SUN2: variants seen among roughly 807,000 people sequenced by gnomAD.
The protein encoded by SUN2 is Sad1 and UNC84 domain containing 2, also known as SUN domain-containing protein 2.
SUN2 carries 60 observed loss-of-function variants against 100.0 expected under a neutral mutation model. That is an observed-to-expected ratio of 0.60 (90% CI 0.49 to 0.74). The LOEUF (loss-of-function observed/expected upper bound fraction) is 0.74. SUN2 is among the 30% of genes least tolerant of loss of function. The probability of loss-of-function intolerance (pLI) is 0.00; values close to 1 mark genes in which losing one functional copy is unlikely to be tolerated. For missense variants in SUN2, 834 were observed against 954.6 expected, an observed-to-expected ratio of 0.87 and a Z score of 1.66; for synonymous variants, 367 against 403.3, an observed-to-expected ratio of 0.91 and a Z score of 1.08.
In SUN2 at chr22:38,739,569, C is replaced by A; in HGVS notation, c.1579-143G>T. ...TGCCCAGGCAGATGTGGGCACACTG[C>A]CACCCACCCATGCCAGCCCCACAGC... is the stretch of plus-strand genomic sequence containing the variant. On this transcript the variant is annotated intron_variant, in intron 13 of 17. Transcript: ENST00000689035. The surrounding 1 kb of genome is among the most constrained non-coding windows in gnomAD (Gnocchi z 6.7). 7.7e-7 allele frequency: 1 copy of A among 1,291,228 alleles called. No homozygotes were observed. The allele number at this position is 1,291,228 out of a possible 1,614,324, so 80.0% of individuals were successfully genotyped here.
rs948468749 is a variant in SUN2 at position 38,740,778 on chromosome 22, C to T, written c.1190+229G>A. The T allele has an allele frequency of 3.3e-6, 2 of 600,980 alleles. No homozygotes were observed. Among genetic ancestry groups the T allele is most frequent in the Non-Finnish European group, 5.9e-6 (2 of 337,996 alleles). 37.2% of individuals were successfully genotyped at this position (600,980 alleles called of 1,614,324 possible). Reference sequence around the variant, plus strand: ...CTGTGTCTATAAATGAATCCCGGTCCTCTCACACAGCCTGCCCCCCGCCCT... The same window carrying T: ...CTGTGTCTATAAATGAATCCCGGTCTTCTCACACAGCCTGCCCCCCGCCCT... On this transcript the variant is annotated intron_variant, in intron 11 of 17. Transcript: ENST00000689035. This position sits in a 1 kb window ranked among gnomAD's most constrained non-coding sequence, Gnocchi z 4.8.
In SUN2 at chr22:38,742,529, T is replaced by C. The variant is rs960717255; in HGVS notation, c.840A>G (p.Val280=). 1.2e-6 allele frequency: 2 copies of C among 1,612,680 alleles called. No homozygotes were observed. The highest frequency in any genetic ancestry group is 2.7e-5 in the African/African-American group (2 of 74,912). The change falls in exon 9 of 18, where the codon GTA becomes GTG. Residue 280 remains valine, a synonymous_variant. Transcript: ENST00000689035. ...FQAEQRVMSR[V]HSLERRLEAL... ...CTTCCAGACGCCGCTCCAGAGAGTG[T>C]ACCCGGGACATAACACGCTGCTCAG...
intron 4 of SUN2, among the ~76,000 whole-genome samples, chr22:38,750,682 T>TG (rs1295920230): frequency 1.4e-4 from 22 of 152,102 alleles, no homozygotes; most frequent in African/African-American, 4.8e-4. Flanking sequence ...CATAGACTCG[T>TG]GGGGTGGGGA....
chr22:38,740,363 G>T lies in SUN2; in HGVS notation c.1260C>A (p.Gly420=), dbSNP rs910797609. 7 of 1,579,664 alleles carry T rather than the reference G, an allele frequency of 4.4e-6. No homozygotes were observed. Among genetic ancestry groups the T allele is most frequent in the Non-Finnish European group, 6.0e-6 (7 of 1,162,800 alleles). The change falls in exon 12 of 18, where the codon GGC becomes GGA. Residue 420 remains glycine, a synonymous_variant. Transcript: ENST00000689035. This position sits in a 1 kb window ranked among gnomAD's most constrained non-coding sequence, Gnocchi z 4.8. The stretch of plus-strand genomic sequence containing the variant: ...CCAGAGCCGCCAGCTCCTGCTGCAG[G>T]CCGGCCAGCTGGTCCTCCAGCCGCC... ...ELRRLEDQLA[G]LQQELAALAL...
In SUN2 at chr22:38,755,713, C is replaced by T. The variant is rs1451772916; in HGVS notation, c.-38+50G>A. ...GAGTGGCCCGACGGTGACCCGGGGT[C>T]AGGCCGGGCCGCGGCCCCCCAACCC... On this transcript the variant is annotated intron_variant, in intron 1 of 17. Transcript: ENST00000689035. This position sits in a 1 kb window ranked among gnomAD's most constrained non-coding sequence, Gnocchi z 5.7. The T allele has an allele frequency of 3.0e-6, 3 of 984,624 alleles. No individual in the cohort carries two copies. Among genetic ancestry groups the T allele is most frequent in the Non-Finnish European group, 3.6e-6 (3 of 829,590 alleles). The allele number at this position is 984,624 out of a possible 1,614,324, so 61.0% of individuals were successfully genotyped here.
Position 38,740,697 on chromosome 22 carries a change from A to G in SUN2, c.1191-265T>C. 1 of 576,076 alleles carries G rather than the reference A, an allele frequency of 1.7e-6. No individual in the cohort carries two copies. The highest frequency in any genetic ancestry group is 3.1e-6 in the Non-Finnish European group (1 of 323,888). The allele number at this position is 576,076 out of a possible 1,614,324, so 35.7% of individuals were successfully genotyped here. ...TGCCTCAGCCTCTCACATCCTCCAC[A>G]AGCATGGACATCTGGGGCATGAGAA... is the stretch of plus-strand genomic sequence containing the variant. On this transcript the variant is annotated intron_variant, in intron 11 of 17. Coordinates refer to ENST00000689035, the MANE Select transcript of SUN2 (RefSeq NM_015374.3). The surrounding 1 kb of genome is among the most constrained non-coding windows in gnomAD (Gnocchi z 4.8).
At position 38,749,716 on chromosome 22, in the gene SUN2, C is replaced by T. The variant is rs190330060; in HGVS notation, c.614+50G>A. 3.3e-3 allele frequency: 5,187 copies of T among 1,556,732 alleles called. 146 individuals carry two copies. The Admixed American group carries it at 0.057, about 17-fold the overall frequency. On this transcript the variant is annotated intron_variant, in intron 6 of 17. Coordinates refer to ENST00000689035, the MANE Select transcript of SUN2 (RefSeq NM_015374.3). ...ACAGGTTGACACACTTTACCCGTCC[C>T]TTCACCCCAGGGCCTTGCGATTTAT... is the stretch of plus-strand genomic sequence containing the variant.
Position 38,752,610 on chromosome 22 carries a change from G to C in SUN2, c.19C>G (p.Arg7Gly). 3.1e-6 allele frequency: 5 copies of C among 1,613,860 alleles called. No homozygotes were observed. Among genetic ancestry groups the C allele is most frequent in the Non-Finnish European group, 3.4e-6 (4 of 1,179,966 alleles). Residue 7 changes from arginine to glycine, a missense_variant, in exon 2 of 18, where the codon CGC becomes GGC. Arg to Gly is a moderately radical substitution (Grantham distance 125, BLOSUM62 -2). Coordinates refer to ENST00000689035, the MANE Select transcript of SUN2 (RefSeq NM_015374.3). MSRRSQ[R>G]LTRYSQGDDD... ...TCACCCTGGGAGTAGCGCGTGAGGC[G>C]CTGGCTTCTTCGGGACATGATGAGG...
In SUN2 at chr22:38,755,662, G is replaced by A. The variant is rs2092979855; in HGVS notation, c.-38+101C>T. On this transcript the variant is annotated intron_variant, in intron 1 of 17. Coordinates refer to ENST00000689035, the MANE Select transcript of SUN2 (RefSeq NM_015374.3). The surrounding 1 kb of genome is among the most constrained non-coding windows in gnomAD (Gnocchi z 5.7). ...CCCAGCACGTCCCGGAGAGGAGGAAGCAGGCCTGGCGGCGCGGCCCCGCCC... is the reference window on the plus strand; with the variant it reads ...CCCAGCACGTCCCGGAGAGGAGGAAACAGGCCTGGCGGCGCGGCCCCGCCC... The A allele has an allele frequency of 1.0e-6, 1 of 973,720 alleles. No individual in the cohort carries two copies. Among genetic ancestry groups the A allele is most frequent in the Non-Finnish European group, 1.2e-6 (1 of 819,192 alleles). 60.3% of individuals were successfully genotyped at this position (973,720 alleles called of 1,614,324 possible).
rs1174693411 is a variant in SUN2 at position 38,735,125 on chromosome 22, G to A, written c.*1142C>T. On this transcript the variant is annotated 3_prime_UTR_variant, in exon 18 of 18. Coordinates refer to ENST00000689035, the MANE Select transcript of SUN2 (RefSeq NM_015374.3). ...CCTTGAAAAATATATACATAATACA[G>A]TGGGGCCTGCTGGCTCTAAAAGTCC... The A allele has an allele frequency of 4.9e-6, 2 of 405,526 alleles. No individual in the cohort carries two copies. Among genetic ancestry groups the A allele is most frequent in the African/African-American group, 4.2e-5 (2 of 47,488 alleles). 25.1% of individuals were successfully genotyped at this position (405,526 alleles called of 1,614,324 possible). A position where few individuals can be genotyped will look rare whatever the true frequency, so the allele number is the denominator to read the frequency against.
At position 38,750,240 on chromosome 22, in the gene SUN2, C is replaced by A. The variant is rs757695145; in HGVS notation, c.505G>T (p.Val169Leu). 1.2e-6 allele frequency: 2 copies of A among 1,611,806 alleles called. No individual in the cohort carries two copies. The highest frequency in any genetic ancestry group is 1.7e-6 in the Non-Finnish European group (2 of 1,178,212). The change falls in exon 5 of 18, where the codon GTG becomes TTG. Residue 169 changes from valine (V) to leucine (L), a missense_variant. By Grantham distance (32) the Val-to-Leu change is conservative. Transcript: ENST00000689035. ...TGCAGCCCACCTGGCGAAGTGGCCA[C>A]CATCCAGAGTAAGGAGCCCGCCCGT... ...VSRAGSLLWM[V>L]ATSPGRLFRL...
chr22:38,754,494 G>A (rs921186649), intron 1 of SUN2: 2 of 590,518 alleles, frequency 3.4e-6, no homozygotes, highest in African/African-American at 3.9e-5. Context: ...ACGCCCATCT[G>A]GCATCCCCTC....
chr22:38,747,727 G>A (rs987532364), intron 7 of SUN2, among the ~76,000 whole-genome samples: 2 of 152,280 alleles, frequency 1.3e-5, no homozygotes, highest in Non-Finnish European at 2.9e-5. Context: ...TGGATCACTT[G>A]AGGTCAGGAG....
In SUN2 at chr22:38,734,827, C is replaced by G. The variant is rs78370268; in HGVS notation, c.*1440G>C. On this transcript the variant is annotated 3_prime_UTR_variant, in exon 18 of 18. Coordinates refer to ENST00000689035, the MANE Select transcript of SUN2 (RefSeq NM_015374.3). ...TAGTGCAGCATTTGTGACAGGAGAG[C>G]GCAAAACAAACCCTGGCTGCCTCGG... 1 of 184,648 alleles carries G rather than the reference C, an allele frequency of 5.4e-6. No homozygotes were observed. The highest frequency in any genetic ancestry group is 2.4e-5 in the African/African-American group (1 of 41,748). The allele number at this position is 184,648 out of a possible 1,614,324, so 11.4% of individuals were successfully genotyped here.
Position 38,736,375 on chromosome 22 carries a change from A to G in SUN2, c.2046T>C (p.Pro682=), listed in dbSNP as rs2092805172. The G allele has an allele frequency of 6.2e-7, 1 of 1,612,886 alleles. No individual in the cohort carries two copies. Among genetic ancestry groups the G allele is most frequent in the African/African-American group, 1.3e-5 (1 of 74,902 alleles). Residue 682 remains proline, a synonymous_variant, in exon 18 of 18, where the codon CCT becomes CCC. Transcript: ENST00000689035. ...EPIQTFHFQA[P]TMATYQVVEL... The stretch of plus-strand genomic sequence containing the variant: ...CCACCACCTGGTACGTGGCCATCGT[A>G]GGGGCCTGGGTAGAGAAGAAAGGGA...
chr22:38,737,931 C>A lies in SUN2; in HGVS notation c.2040+242G>T. 1 of 681,098 alleles carries A rather than the reference C, an allele frequency of 1.5e-6. No individual in the cohort carries two copies. Among genetic ancestry groups the A allele is most frequent in the Admixed American group, 2.0e-5 (1 of 48,826 alleles). 42.2% of individuals were successfully genotyped at this position (681,098 alleles called of 1,614,324 possible). A position where few individuals can be genotyped will look rare whatever the true frequency, so the allele number is the denominator to read the frequency against. ...CCAACCCCTCTTGTGTAAAGCCCAC[C>A]TCCTGGTGTCCTTTTCCAGGAAGCT... On this transcript the variant is annotated intron_variant, in intron 17 of 17. Transcript: ENST00000689035. This position sits in a 1 kb window ranked among gnomAD's most constrained non-coding sequence, Gnocchi z 4.1.
chr22:38,751,133 C>T, intron 3 of SUN2, 77 bp downstream of exon 3: 1 of 1,607,366 alleles, frequency 6.2e-7, no homozygotes, highest in Non-Finnish European at 8.5e-7. Flanking sequence ...ATCCCGGGGA[C>T]TGCAGGGGAC....
At position 38,755,987 on chromosome 22, in the gene SUN2, C is replaced by T. The variant is rs1185172521; in HGVS notation, c.-262G>A. 2 of 984,384 alleles carry T rather than the reference C, an allele frequency of 2.0e-6. No individual in the cohort carries two copies. Among genetic ancestry groups the T allele is most frequent in the Non-Finnish European group, 2.4e-6 (2 of 829,556 alleles). The allele number at this position is 984,384 out of a possible 1,614,324, so 61.0% of individuals were successfully genotyped here. A position where few individuals can be genotyped will look rare whatever the true frequency, so the allele number is the denominator to read the frequency against. On this transcript the variant is annotated 5_prime_UTR_variant, in exon 1 of 18. Transcript: ENST00000689035. This position sits in a 1 kb window ranked among gnomAD's most constrained non-coding sequence, Gnocchi z 5.7. ...CCCGCGCTGCGCGAGTGGGGCCGGG[C>T]GGCGCGCGTGTGGCCGACTCTGTAT...
At position 38,738,241 on chromosome 22, in the gene SUN2, C is replaced by T; in HGVS notation, c.1972G>A (p.Glu658Lys). ...GTGAACTTGCCAAGGAGTGTCCCCT[C>T]CTGCTGCAGGTCTTCGTCAAACCCC... ...IFGFDEDLQQ[E>K]GTLLGKFTYD... Residue 658 changes from glutamate (E) to lysine (K), a missense_variant, in exon 17 of 18, where the codon GAG (glutamate) becomes AAG (lysine). Transcript: ENST00000689035. The surrounding 1 kb of genome is among the most constrained non-coding windows in gnomAD (Gnocchi z 6.6). 1 of 1,613,914 alleles carries T rather than the reference C, an allele frequency of 6.2e-7. No individual in the cohort carries two copies. Among genetic ancestry groups the T allele is most frequent in the Non-Finnish European group, 8.5e-7 (1 of 1,179,986 alleles).
Sources: allele counts gnomAD v4.1 joint callset (sites outside exome capture counted in the v4.1 genomes callset), GRCh38; gene constraint gnomAD v4.1.1; non-coding constraint Gnocchi (gnomAD v3.1); transcripts MANE v1.5; gene names NCBI Gene and HGNC (gene_info 2026-07-23, HGNC 2026-07-21).